Variants in RAP1GAP2 observed in about 807,000 individuals in gnomAD.
The protein encoded by RAP1GAP2 is rap1 GTPase-activating protein 2.
A neutral mutation model predicts 95.0 loss-of-function variants in RAP1GAP2; 27 were observed. The observed-to-expected ratio is 0.28, with a 90% CI of 0.21 to 0.39. The LOEUF is 0.39. Ranked by LOEUF, RAP1GAP2 falls within the 10% of genes least tolerant of loss-of-function variation. The probability of loss-of-function intolerance (pLI) is 1.00; values close to 1 mark genes in which losing one functional copy is unlikely to be tolerated. For synonymous variants in RAP1GAP2, 373 were observed against 380.9 expected, an observed-to-expected ratio of 0.98 and a Z score of 0.24; for missense variants, 771 against 970.0, an observed-to-expected ratio of 0.79 and a Z score of 2.72.
At chr17:2,974,787 C>T (rs1191309940) in intron 8 of RAP1GAP2, among the ~76,000 whole-genome samples, 3 of 150,036 alleles carry the variant, frequency 2.0e-5, no homozygotes, top group Non-Finnish European at 3.0e-5. Context: ...TTGGAAGATA[C>T]AGAAATACAG....
At chr17:2,925,381 A>G (rs1479734877) in intron 3 of RAP1GAP2, among the ~76,000 whole-genome samples, 1 of 152,132 alleles carries the variant, frequency 6.6e-6, no homozygotes, top group African/African-American at 2.4e-5. Flanking sequence ...GCCTCAGGAA[A>G]CTTACAATCA....
intron 17 of RAP1GAP2, among the ~76,000 whole-genome samples, chr17:3,017,085 C>G (rs2040149558): frequency 6.6e-6 from 1 of 152,158 alleles, no homozygotes; most frequent in Non-Finnish European, 1.5e-5. Flanking sequence ...CCTGGGACTT[C>G]TTTTGTCAGG....
intron 12 of RAP1GAP2, among the ~76,000 whole-genome samples, chr17:2,993,616 T>C (rs1482408083): frequency 6.6e-6 from 1 of 150,880 alleles, no homozygotes; most frequent in East Asian, 1.9e-4. Context: ...AAAGATAAGA[T>C]AATGCTCACG....
At chr17:2,942,622 TGTC>T (rs755100595) in intron 3 of RAP1GAP2, among the ~76,000 whole-genome samples, 1 of 152,180 alleles carries the variant, frequency 6.6e-6, no homozygotes, top group Non-Finnish European at 1.5e-5. Flanking sequence ...AGTGTACCAT[TGTC>T]TCAGTCTCAT....
At chr17:2,775,290 CAA>C (rs1198470364), upstream of RAP1GAP2, among the ~76,000 whole-genome samples, 4 of 152,044 alleles carry the variant, frequency 2.6e-5, no homozygotes, top group African/African-American at 2.4e-5. Flanking sequence ...AACGCAGAGA[CAA>C]GAGAATTTCC....
chr17:2,826,147 A>ATTTTTTTTTTTTTTTTTT (rs71150901), intron 2 of RAP1GAP2, among the ~76,000 whole-genome samples: 1 of 108,864 alleles, frequency 9.2e-6, no homozygotes, highest in Non-Finnish European at 1.7e-5. Context: ...CGCCCAGCAA[A>ATTTTTTTTTTTTTTTTTT]TTTTTTTTTT....
intron 2 of RAP1GAP2, among the ~76,000 whole-genome samples, chr17:2,816,400 C>T (rs1328639961): frequency 3.3e-5 from 5 of 151,954 alleles, no homozygotes; most frequent in Admixed American, 6.6e-5. Context: ...TGCAGTGGCG[C>T]GATCTTGGCT....
intron 2 of RAP1GAP2, among the ~76,000 whole-genome samples, chr17:2,889,168 A>C (rs1449821335): frequency 6.6e-6 from 1 of 152,106 alleles, no homozygotes; most frequent in Non-Finnish European, 1.5e-5. Flanking sequence ...GCTGTGTTCC[A>C]TAGTGGCTGT....
At chr17:2,947,981 A>T (rs1279521099) in intron 3 of RAP1GAP2, among the ~76,000 whole-genome samples, 1 of 151,698 alleles carries the variant, frequency 6.6e-6, no homozygotes, top group Non-Finnish European at 1.5e-5. Context: ...CTGCTCCTCC[A>T]TCCTTGTCTT....
chr17:2,974,158 G>A (rs1039917958), intron 8 of RAP1GAP2, among the ~76,000 whole-genome samples: 7 of 147,966 alleles, frequency 4.7e-5, no homozygotes, highest in Non-Finnish European at 1.0e-4. Flanking sequence ...TGGCTAATAC[G>A]GTGAAACCCT....
intron 2 of RAP1GAP2, among the ~76,000 whole-genome samples, chr17:2,898,918 G>A (rs569936868): frequency 6.6e-6 from 1 of 152,340 alleles, no homozygotes; most frequent in African/African-American, 2.4e-5. Context: ...TGAATCAGGA[G>A]TGGTGCTGGA....
intron 2 of RAP1GAP2, among the ~76,000 whole-genome samples, chr17:2,883,714 C>G (rs779003203): frequency 2.6e-5 from 4 of 152,196 alleles, no homozygotes; most frequent in Non-Finnish European, 4.4e-5. Flanking sequence ...CTTTTGAGCT[C>G]TGGGCATGAG....
At chr17:2,826,972 C>G (rs2070594785) in intron 2 of RAP1GAP2, among the ~76,000 whole-genome samples, 1 of 152,076 alleles carries the variant, frequency 6.6e-6, no homozygotes, top group Non-Finnish European at 1.5e-5. Context: ...CACCACTGCA[C>G]TTCAGCCTGG....
intron 10 of RAP1GAP2, among the ~76,000 whole-genome samples, chr17:2,983,058 C>T (rs1196725437): frequency 6.6e-6 from 1 of 152,220 alleles, no homozygotes; most frequent in African/African-American, 2.4e-5. Flanking sequence ...GCAGCGCCGT[C>T]GCTGGGGGAG....
At chr17:2,941,218 G>A (rs1047569356) in intron 3 of RAP1GAP2, among the ~76,000 whole-genome samples, 10 of 152,030 alleles carry the variant, frequency 6.6e-5, no homozygotes, top group African/African-American at 2.4e-4. Context: ...CCTGGCCAAC[G>A]TGGTGAAACC....
chr17:2,928,193 G>A lies in RAP1GAP2; in HGVS notation c.165+22825G>A, dbSNP rs539489989. ...ATTTTACTTGAAGGAAGGTGCCACT[G>A]TCCGCTTCCCATTCACACATCGCCG... On this transcript the variant is annotated intron_variant, in intron 3 of 24. Coordinates refer to ENST00000254695, the MANE Select transcript of RAP1GAP2 (RefSeq NM_015085.5). Among the ~76,000 whole-genome samples the A allele has an allele frequency of 3.3e-5, 5 of 152,358 alleles. No individual in the cohort carries two copies. The South Asian group carries it at 1.0e-3, about 32-fold the overall frequency.
intron 10 of RAP1GAP2, among the ~76,000 whole-genome samples, chr17:2,983,836 C>T (rs1315984916): frequency 6.6e-6 from 1 of 152,230 alleles, no homozygotes; most frequent in East Asian, 1.9e-4. Flanking sequence ...GTTATCCCAA[C>T]AGCTCCCAGA....
Position 2,963,969 on chromosome 17 carries a change from TGAG to T in RAP1GAP2, c.402_404del (p.Glu136del). 6.2e-7 allele frequency: 1 copy of T among 1,612,320 alleles called. No individual in the cohort carries two copies. Among genetic ancestry groups the T allele is most frequent in the South Asian group, 1.1e-5 (1 of 91,022 alleles). ...CAACATCGCTGGGGAGCAGCATCTG[TGAG>T]GAGGAGGAAGAGGACAACCTCAGCC... On this transcript the variant is annotated inframe_deletion, in exon 7 of 25. Coordinates refer to ENST00000254695, the MANE Select transcript of RAP1GAP2 (RefSeq NM_015085.5). The surrounding 1 kb of genome is among the most constrained non-coding windows in gnomAD (Gnocchi z 4.8).
At chr17:2,823,436 G>C (rs887907446) in intron 2 of RAP1GAP2, among the ~76,000 whole-genome samples, 5 of 152,194 alleles carry the variant, frequency 3.3e-5, no homozygotes, top group African/African-American at 1.2e-4. Flanking sequence ...AAACTGTTAG[G>C]ATTCTAGTTT....
Sources: allele counts gnomAD v4.1 joint callset (sites outside exome capture counted in the v4.1 genomes callset), GRCh38; gene constraint gnomAD v4.1.1; non-coding constraint Gnocchi (gnomAD v3.1); transcripts MANE v1.5; gene names NCBI Gene and HGNC (gene_info 2026-07-23, HGNC 2026-07-21).